Variants in GATC observed in about 807,000 individuals in gnomAD.
The protein encoded by GATC is glutamyl-tRNA amidotransferase subunit C, also known as glutamyl-tRNA(Gln) amidotransferase subunit C, mitochondrial.
GATC carries 11 observed loss-of-function variants against 14.4 expected under a neutral mutation model. The ratio of observed to expected loss-of-function variants is 0.77; its 90% CI spans 0.48 to 1.27. The LOEUF is 1.27. Ranked by LOEUF, GATC falls within the 50% of genes most tolerant of loss-of-function variation. The pLI is 0.00. For synonymous variants in GATC, 76 were observed against 79.3 expected, an observed-to-expected ratio of 0.96 and a Z score of 0.22; for missense variants, 204 against 183.0, an observed-to-expected ratio of 1.11 and a Z score of -0.66.
Position 120,446,764 on chromosome 12 carries a change from C to A in GATC, c.189C>A (p.Phe63Leu), listed in dbSNP as rs747595748. ...AVARLEKAIA[F>L]ADRLRAVDTD... is the part of the protein sequence containing the mutation. ...CGCGACTGGAGAAAGCTATCGCCTT[C>A]GCCGACCGGCTACGCGCCGTGGACA... The change falls in exon 2 of 4, where the codon TTC (phenylalanine) becomes TTA (leucine). Residue 63 changes from phenylalanine (F) to leucine (L), a missense_variant. Physicochemically the swap from Phe to Leu is conservative, Grantham distance 22. Transcript: ENST00000551765. 3.1e-6 allele frequency: 5 copies of A among 1,614,012 alleles called. No individual in the cohort carries two copies. Among genetic ancestry groups the A allele is most frequent in the Admixed American group, 3.3e-5 (2 of 60,024 alleles).
At position 120,463,035 on chromosome 12, in the gene GATC, CAGAAAA is replaced by C. The variant is rs1878393127; in HGVS notation, c.*3082_*3087del. ...AAAACTAGGCAATTATATGAATCCT[CAGAAAA>C]AGAAATGAGCCCAGAGACCTGTGTC... On this transcript the variant is annotated 3_prime_UTR_variant, in exon 4 of 4. Transcript: ENST00000551765. 6.6e-6 allele frequency: 1 copy of C among 152,114 alleles called. No homozygotes were observed. Among genetic ancestry groups the C allele is most frequent in the South Asian group, 2.1e-4 (1 of 4,830 alleles). 9.4% of individuals were successfully genotyped at this position (152,114 alleles called of 1,614,324 possible). A position where few individuals can be genotyped will look rare whatever the true frequency, so the allele number is the denominator to read the frequency against.
chr12:120,447,005 C>G (rs563284692), intron 2 of GATC, among the ~76,000 whole-genome samples, 176 bp downstream of exon 2: 1 of 152,160 alleles, frequency 6.6e-6, no homozygotes, highest in South Asian at 2.1e-4. Flanking sequence ...ATTACTGATG[C>G]TCTCGCTAGT....
intron 3 of GATC, among the ~76,000 whole-genome samples, chr12:120,457,602 C>CTTTTTT (rs3999474): frequency 9.7e-6 from 1 of 103,612 alleles, no homozygotes; most frequent in Non-Finnish European, 1.9e-5. Flanking sequence ...TAAAAGAATC[C>CTTTTTT]TTTTTTTTTT....
chr12:120,453,488 G>A (rs1275851214), intron 2 of GATC, among the ~76,000 whole-genome samples: 1 of 152,106 alleles, frequency 6.6e-6, no homozygotes, highest in Non-Finnish European at 1.5e-5. Context: ...GGGTATGTAG[G>A]CTAACTTATC....
chr12:120,447,791 T>C (rs1663180655), intron 2 of GATC, among the ~76,000 whole-genome samples: 1 of 152,246 alleles, frequency 6.6e-6, no homozygotes, highest in African/African-American at 2.4e-5. Context: ...AGTCTCACTC[T>C]ATCACCCAGG....
chr12:120,459,014 C>A (rs991179920), intron 3 of GATC, among the ~76,000 whole-genome samples: 4 of 152,146 alleles, frequency 2.6e-5, no homozygotes, highest in African/African-American at 9.7e-5. Context: ...GCGCCCACCA[C>A]AACGCCTGGC....
At chr12:120,459,732 T>C (rs1342205437) in intron 3 of GATC, among the ~76,000 whole-genome samples, 175 bp from the exon 4 acceptor site, 1 of 152,174 alleles carries the variant, frequency 6.6e-6, no homozygotes, top group Non-Finnish European at 1.5e-5. Context: ...GGCGGGCGCC[T>C]GTAGTCCCAG....
chr12:120,447,380 A>T (rs1877905054), intron 2 of GATC, among the ~76,000 whole-genome samples: 1 of 151,864 alleles, frequency 6.6e-6, no homozygotes, highest in Admixed American at 6.6e-5. Context: ...TGGCCTAATC[A>T]TCGCCTTTAA....
chr12:120,457,253 C>A, intron 3 of GATC, 74 bp downstream of exon 3: 2 of 1,122,074 alleles, frequency 1.8e-6, no homozygotes, highest in Non-Finnish European at 2.7e-6. Flanking sequence ...GCATGAGGAC[C>A]AAAGATGCTA....
intron 2 of GATC, among the ~76,000 whole-genome samples, chr12:120,456,713 T>C (rs1878194129): frequency 6.6e-6 from 1 of 152,234 alleles, no homozygotes; most frequent in African/African-American, 2.4e-5. Flanking sequence ...TCACGCAGGC[T>C]GGACTAGGTA....
At chr12:120,452,475 A>G (rs1322149196) in intron 2 of GATC, among the ~76,000 whole-genome samples, 1 of 151,902 alleles carries the variant, frequency 6.6e-6, no homozygotes, top group Non-Finnish European at 1.5e-5. Flanking sequence ...CAAAAACTTC[A>G]AACTCTTAGG....
At chr12:120,449,156 G>T (rs1877969007) in intron 2 of GATC, among the ~76,000 whole-genome samples, 1 of 150,228 alleles carries the variant, frequency 6.7e-6, no homozygotes. Flanking sequence ...TAGAGATGAG[G>T]TTTCACCGTA....
In GATC at chr12:120,454,536, C is replaced by T. The variant is rs1426336881; in HGVS notation, c.255-2540C>T. Among the ~76,000 whole-genome samples the T allele has an allele frequency of 4.6e-5, 7 of 151,862 alleles. No homozygotes were observed. The South Asian group carries it at 6.3e-4, about 14-fold the overall frequency. On this transcript the variant is annotated intron_variant, in intron 2 of 3. Coordinates refer to ENST00000551765, the MANE Select transcript of GATC (RefSeq NM_176818.3). ...CCAGGGTTCACGCCGTTCCCCTCCTCAGCCTCTCGCTACAGGCCCCCGCCA... is the reference window on the plus strand; with the variant it reads ...CCAGGGTTCACGCCGTTCCCCTCCTTAGCCTCTCGCTACAGGCCCCCGCCA...
chr12:120,463,717 T>C lies in GATC; in HGVS notation c.*3758T>C. 1 of 439,788 alleles carries C rather than the reference T, an allele frequency of 2.3e-6. No individual in the cohort carries two copies. Among genetic ancestry groups the C allele is most frequent in the South Asian group, 4.7e-5 (1 of 21,344 alleles). The allele number at this position is 439,788 out of a possible 1,614,324, so 27.2% of individuals were successfully genotyped here. A position where few individuals can be genotyped will look rare whatever the true frequency, so the allele number is the denominator to read the frequency against. On this transcript the variant is annotated 3_prime_UTR_variant, in exon 4 of 4. Transcript: ENST00000551765. Reference sequence around the variant, plus strand: ...ATGACCAAACTGTGTAATGTGATACTAATATGCAGAATAAAGCATATTAAA... The same window carrying C: ...ATGACCAAACTGTGTAATGTGATACCAATATGCAGAATAAAGCATATTAAA...
chr12:120,455,241 T>A (rs1878151050), intron 2 of GATC, among the ~76,000 whole-genome samples: 1 of 151,568 alleles, frequency 6.6e-6, no homozygotes, highest in African/African-American at 2.4e-5. Context: ...CCATCTCAGC[T>A]CACTGCAACC....
intron 2 of GATC, among the ~76,000 whole-genome samples, chr12:120,455,492 C>T (rs114266423): frequency 0.012 from 1,800 of 152,052 alleles, 28 homozygotes; most frequent in African/African-American, 0.041. Context: ...CCCCGCCGCC[C>T]CCCTCCAAGA....
chr12:120,462,232 C>T lies in GATC; in HGVS notation c.*2273C>T. 3 of 1,496,808 alleles carry T rather than the reference C, an allele frequency of 2.0e-6. No homozygotes were observed. The highest frequency in any genetic ancestry group is 1.2e-5 in the South Asian group (1 of 80,632). 92.7% of individuals were successfully genotyped at this position (1,496,808 alleles called of 1,614,324 possible). ...AGAGCCAGAAGAATAAGCAAACCAA[C>T]ATCTAACAATAATAGTTAAGTATTG... On this transcript the variant is annotated 3_prime_UTR_variant, in exon 4 of 4. Coordinates refer to ENST00000551765, the MANE Select transcript of GATC (RefSeq NM_176818.3).
intron 3 of GATC, 53 bp from the exon 4 acceptor site, chr12:120,459,853 TC>T: frequency 2.7e-6 from 4 of 1,476,324 alleles, no homozygotes; most frequent in Non-Finnish European, 3.8e-6. Context: ...AGACTCTGTC[TC>T]AAAACAAAAA....
Position 120,463,747 on chromosome 12 carries a change from A to G in GATC, c.*3788A>G. 1 of 542,278 alleles carries G rather than the reference A, an allele frequency of 1.8e-6. No individual in the cohort carries two copies. Among genetic ancestry groups the G allele is most frequent in the Non-Finnish European group, 3.2e-6 (1 of 313,864 alleles). 33.6% of individuals were successfully genotyped at this position (542,278 alleles called of 1,614,324 possible). A position where few individuals can be genotyped will look rare whatever the true frequency, so the allele number is the denominator to read the frequency against. Reference sequence around the variant, plus strand: ...TGCAGAATAAAGCATATTAAAAAACAAACGTACCATGAATGCATACTTCTT... The same window carrying G: ...TGCAGAATAAAGCATATTAAAAAACGAACGTACCATGAATGCATACTTCTT... On this transcript the variant is annotated 3_prime_UTR_variant, in exon 4 of 4. Transcript: ENST00000551765.
Sources: gnomAD v4.1 joint callset for allele counts (sites outside exome capture counted in the v4.1 genomes callset) on GRCh38, gnomAD v4.1.1 for gene constraint, MANE v1.5 for transcripts, NCBI Gene and HGNC (gene_info 2026-07-23, HGNC 2026-07-21) for gene names.